Variants in TMEM255A observed in about 807,000 individuals in gnomAD.
The protein encoded by TMEM255A is transmembrane protein 255A.
TMEM255A carries 14 observed loss-of-function variants against 23.5 expected under a neutral mutation model. The observed-to-expected ratio is 0.60, with a 90% CI of 0.39 to 0.93. The LOEUF (loss-of-function observed/expected upper bound fraction) is 0.93, where lower values mean the gene tolerates loss of function less well. Among genes scored for constraint, TMEM255A ranks in the 40% least tolerant of loss-of-function variants. The pLI is 0.00. For synonymous variants in TMEM255A, 104 were observed against 100.3 expected, an observed-to-expected ratio of 1.04 and a Z score of -0.22; for missense variants, 233 against 261.7, an observed-to-expected ratio of 0.89 and a Z score of 0.76.
chrX:120,266,358 C>T (rs971514272), intron 8 of TMEM255A, among the ~76,000 whole-genome samples: 4 of 107,695 alleles, frequency 3.7e-5, no homozygotes, highest in South Asian at 4.2e-4. Context: ...CCTAGACTAA[C>T]GCAGGGACTG....
At position 120,299,804 on chromosome X, in the gene TMEM255A, T is replaced by C. The variant is rs143985520; in HGVS notation, c.201+4545A>G. On this transcript the variant is annotated intron_variant, in intron 2 of 8. Transcript: ENST00000371369. ...TCCTTATGTTTTCTGAGCATTCATG[T>C]TAATCAAAATTTCTTTGGACTTTTC... Among the ~76,000 whole-genome samples, 395 of 112,297 alleles carry C rather than the reference T, an allele frequency of 3.5e-3. 3 individuals are homozygous for C. Among genetic ancestry groups the C allele is most frequent in the African/African-American group, 0.012 (371 of 30,919 alleles).
At chrX:120,288,842 A>G (rs1239042189) in intron 4 of TMEM255A, among the ~76,000 whole-genome samples, 1 of 112,657 alleles carries the variant, frequency 8.9e-6, no homozygotes, top group Non-Finnish European at 1.9e-5. Context: ...GGTTACTACT[A>G]TATCCATTTA....
chrX:120,272,631 G>A (rs1287686475), intron 7 of TMEM255A, among the ~76,000 whole-genome samples: 1 of 111,371 alleles, frequency 9.0e-6, no homozygotes, highest in Non-Finnish European at 1.9e-5. Flanking sequence ...CATGTAAGAT[G>A]TGCCTGCTTC....
chrX:120,261,308 T>C (rs989773769), intron 8 of TMEM255A, among the ~76,000 whole-genome samples: 1 of 111,975 alleles, frequency 8.9e-6, no homozygotes, highest in East Asian at 2.8e-4. Flanking sequence ...TGTTGTCTCT[T>C]GAATCCATCA....
At chrX:120,261,278 T>G (rs1165204375) in intron 8 of TMEM255A, among the ~76,000 whole-genome samples, 1 of 111,732 alleles carries the variant, frequency 8.9e-6, no homozygotes, top group Non-Finnish European at 1.9e-5. Context: ...AATTGCCAAA[T>G]CCTGTTGCTT....
At chrX:120,270,095 G>A (rs1464052883) in intron 7 of TMEM255A, among the ~76,000 whole-genome samples, 2 of 111,202 alleles carry the variant, frequency 1.8e-5, no homozygotes, top group African/African-American at 6.6e-5. Flanking sequence ...GACAGTCAGG[G>A]GTAGAGGATA....
chrX:120,266,558 T>C (rs2057719284), intron 8 of TMEM255A, among the ~76,000 whole-genome samples: 2 of 112,276 alleles, frequency 1.8e-5, no homozygotes, highest in African/African-American at 3.2e-5. Context: ...TCCTATCTTA[T>C]AATTTGTGGT....
At chrX:120,277,496 CA>C (rs1179828026) in intron 6 of TMEM255A, among the ~76,000 whole-genome samples, 2 of 112,674 alleles carry the variant, frequency 1.8e-5, no homozygotes, top group Non-Finnish European at 3.8e-5. Context: ...GCTCAATAGT[CA>C]CATGTGGCTA....
At chrX:120,283,667 C>A (rs2057852736) in intron 6 of TMEM255A, among the ~76,000 whole-genome samples, 1 of 111,868 alleles carries the variant, frequency 8.9e-6, no homozygotes. Context: ...CTGTGCACAT[C>A]ACCTACTCAC....
intron 6 of TMEM255A, among the ~76,000 whole-genome samples, chrX:120,279,998 C>CTTTTTTTTTTTTTTTTTTTTTTTTT (rs59428362): frequency 5.2e-5 from 2 of 38,226 alleles, no homozygotes; most frequent in Admixed American, 4.5e-4. Context: ...CCTTTTCTTT[C>CTTTTTTTTTTTTTTTTTTTTTTTTT]TTTTTTTTTT....
chrX:120,296,832 GATATATAATATATATC>G (rs1569339732), intron 2 of TMEM255A, among the ~76,000 whole-genome samples: 50 of 1,516 alleles, frequency 0.033, 1 homozygote, highest in African/African-American at 0.074. Context: ...TAATATATAT[GATATATAATATATATC>G]ATATATAATA....
chrX:120,285,747 T>G, intron 5 of TMEM255A: 1 of 1,203,105 alleles, frequency 8.3e-7, no homozygotes, highest in Admixed American at 2.2e-5. Flanking sequence ...AGTGAACCTA[T>G]GGAAGTCATT....
chrX:120,310,547 C>T (rs1012214285), intron 1 of TMEM255A, among the ~76,000 whole-genome samples: 2 of 112,148 alleles, frequency 1.8e-5, no homozygotes, highest in Non-Finnish European at 3.8e-5. Context: ...CCCCTGACTC[C>T]CTTTTCACAC....
chrX:120,265,657 C>G (rs1217836327), intron 8 of TMEM255A, among the ~76,000 whole-genome samples: 2 of 112,416 alleles, frequency 1.8e-5, no homozygotes, highest in African/African-American at 3.2e-5. Context: ...TAAATCCTTA[C>G]TCTTTCACTT....
At chrX:120,272,506 G>T (rs1425697935) in intron 7 of TMEM255A, among the ~76,000 whole-genome samples, 6 of 110,955 alleles carry the variant, frequency 5.4e-5, no homozygotes, top group African/African-American at 2.0e-4. Context: ...GAATCGTGGG[G>T]GTGGTTCCTC....
downstream of TMEM255A, chrX:120,254,841 A>G (rs201556300): frequency 5.9e-5 from 72 of 1,210,684 alleles, no homozygotes; most frequent in Non-Finnish European, 7.6e-5. Flanking sequence ...AAACAAACGT[A>G]TGAAAGTAAA....
rs782001972 is a variant in TMEM255A, at chrX:120,259,568, T to G, written c.*1302A>C. On this transcript the variant is annotated 3_prime_UTR_variant, in exon 9 of 9. Coordinates refer to ENST00000371369, the MANE Select transcript of TMEM255A (RefSeq NM_001104544.3). ...AGGTACCCTCCTGTAGCCCCTGTAT[T>G]TTTACGTTATAAAGTATAGGATTAT... The G allele has an allele frequency of 8.9e-6, 1 of 111,990 alleles. No individual in the cohort carries two copies. The highest frequency in any genetic ancestry group is 2.8e-4 in the East Asian group (1 of 3,584). The allele number at this position is 111,990 out of a possible 1,213,427, so 9.2% of individuals were successfully genotyped here. A position where few individuals can be genotyped will look rare whatever the true frequency, so the allele number is the denominator to read the frequency against.
At chrX:120,278,924 T>G (rs2057818497) in intron 6 of TMEM255A, among the ~76,000 whole-genome samples, 2 of 111,757 alleles carry the variant, frequency 1.8e-5, no homozygotes, top group African/African-American at 6.5e-5. Flanking sequence ...TTTGTATCAG[T>G]GCATTATTTG....
At chrX:120,288,668 A>C (rs1441807912) in intron 4 of TMEM255A, among the ~76,000 whole-genome samples, 1 of 112,362 alleles carries the variant, frequency 8.9e-6, no homozygotes, top group Non-Finnish European at 1.9e-5. Context: ...AAGGTCACTC[A>C]GCCAGGGCTT....
Sources: allele counts gnomAD v4.1 joint callset (sites outside exome capture counted in the v4.1 genomes callset), GRCh38; gene constraint gnomAD v4.1.1; transcripts MANE v1.5; gene names NCBI Gene and HGNC (gene_info 2026-07-23, HGNC 2026-07-21).